The following COLGALT2 variants were observed in gnomAD, a reference collection of about 807,000 sequenced individuals.
COLGALT2 encodes the protein procollagen galactosyltransferase 2.
COLGALT2 carries 49 observed loss-of-function variants against 73.4 expected under a neutral mutation model. The observed-to-expected ratio is 0.67, with a 90% CI of 0.53 to 0.85. The LOEUF is 0.85. Ranked by LOEUF, COLGALT2 falls within the 40% of genes least tolerant of loss-of-function variation. The pLI is 0.00. For synonymous variants in COLGALT2, 295 were observed against 307.6 expected (o/e 0.96, Z 0.43); for missense variants, 722 against 790.2 (o/e 0.91, Z 1.03).
At chr1:183,998,018 A>G (rs1181760362) in intron 1 of COLGALT2, among the ~76,000 whole-genome samples, 1 of 152,220 alleles carries the variant, frequency 6.6e-6, no homozygotes, top group African/African-American at 2.4e-5. Context: ...TAGTGCATTT[A>G]GGAGTGGCAT....
chr1:183,938,974 G>A lies in COLGALT2; in HGVS notation c.1668C>T (p.Leu556=), dbSNP rs1473495819. 7 of 1,614,122 alleles carry A rather than the reference G, an allele frequency of 4.3e-6. No individual in the cohort carries two copies. The highest frequency in any genetic ancestry group is 5.1e-6 in the Non-Finnish European group (6 of 1,180,042). The change falls in exon 12 of 12, where the codon CTC becomes CTT. Residue 556 remains leucine (L), a synonymous_variant. Coordinates refer to ENST00000361927, the MANE Select transcript of COLGALT2 (RefSeq NM_015101.4). The part of the protein sequence containing the change: ...DLKAFSAEPL[L]IYPTHYTGQP... The stretch of plus-strand genomic sequence containing the variant: ...GGCCTGTGTAGTGCGTAGGGTAGAT[G>A]AGCAAGGGTTCTGCAGAGAAGGCTT...
chr1:183,942,510 G>T (rs893401783), intron 10 of COLGALT2, among the ~76,000 whole-genome samples: 5 of 152,062 alleles, frequency 3.3e-5, no homozygotes, highest in African/African-American at 7.2e-5. Context: ...GACATATGTG[G>T]CTTGCATTAT....
intron 6 of COLGALT2, among the ~76,000 whole-genome samples, chr1:183,955,654 T>C (rs2102799820): frequency 6.6e-6 from 1 of 152,322 alleles, no homozygotes; most frequent in South Asian, 2.1e-4. Context: ...TGAAAAGGCC[T>C]TGAAGAATGT....
At position 184,017,947 on chromosome 1, in the gene COLGALT2, T is replaced by C. The variant is rs1364426380; in HGVS notation, c.263+19148A>G. Among the ~76,000 whole-genome samples the C allele has an allele frequency of 2.6e-5, 4 of 152,216 alleles. No homozygotes were observed. In the East Asian group the frequency reaches 7.7e-4, roughly 29 times the overall value. ...AGTTAATTCATGGGAACCATTATCATAATGCTTGGTAAACAGTAAATGTTT... is the reference window on the plus strand; with the variant it reads ...AGTTAATTCATGGGAACCATTATCACAATGCTTGGTAAACAGTAAATGTTT... On this transcript the variant is annotated intron_variant, in intron 1 of 11. Coordinates refer to ENST00000361927, the MANE Select transcript of COLGALT2 (RefSeq NM_015101.4).
At chr1:183,964,138 T>C (rs1670800398) in intron 5 of COLGALT2, 118 bp from the exon 6 acceptor site, 1 of 1,169,676 alleles carries the variant, frequency 8.5e-7, no homozygotes. Context: ...ATTAAATAAG[T>C]GGTTGTTTCA....
In COLGALT2 at chr1:184,037,112, C is replaced by T. The variant is rs749932519; in HGVS notation, c.246G>A (p.Lys82=). ...GCGCTCACCAGATGGCCATCCTGCT[C>T]TTGGGGTAGTCCAGCCGCTCCAGGC... ...LGCLERLDYP[K]SRMAIWAATD... The change falls in exon 1 of 12, where the codon AAG becomes AAA. Residue 82 remains lysine (K), a synonymous_variant. Coordinates refer to ENST00000361927, the MANE Select transcript of COLGALT2 (RefSeq NM_015101.4). The T allele has an allele frequency of 2.2e-5, 35 of 1,593,104 alleles. No homozygotes were observed. The South Asian group carries it at 3.6e-4, about 16-fold the overall frequency.
chr1:183,942,885 G>T (rs972057348), intron 10 of COLGALT2, among the ~76,000 whole-genome samples: 5 of 152,180 alleles, frequency 3.3e-5, no homozygotes, highest in African/African-American at 1.2e-4. Context: ...GAACGGGAAC[G>T]TATGCCAGCT....
At chr1:183,980,990 C>T (rs74130490) in intron 1 of COLGALT2, among the ~76,000 whole-genome samples, 3,317 of 152,158 alleles carry the variant, frequency 0.022, 109 homozygotes, top group African/African-American at 0.076. Flanking sequence ...CACACCTAAT[C>T]CTGGTTTTTA....
At chr1:183,958,409 C>A (rs919575697) in intron 6 of COLGALT2, among the ~76,000 whole-genome samples, 2 of 152,120 alleles carry the variant, frequency 1.3e-5, no homozygotes, top group African/African-American at 4.8e-5. Flanking sequence ...TGAGTCACTT[C>A]AAAGCTACAA....
chr1:183,988,608 G>T (rs1276843163), intron 1 of COLGALT2, among the ~76,000 whole-genome samples: 2 of 152,144 alleles, frequency 1.3e-5, no homozygotes, highest in African/African-American at 4.8e-5. Context: ...TTTTGTGTCT[G>T]CCTTCTTTCA....
intron 10 of COLGALT2, among the ~76,000 whole-genome samples, chr1:183,942,069 C>T (rs1670129482): frequency 6.6e-6 from 1 of 151,918 alleles, no homozygotes. Context: ...CTGCCTCAGC[C>T]TCCTGAGTAG....
At chr1:184,034,279 T>TC (rs1491161586) in intron 1 of COLGALT2, among the ~76,000 whole-genome samples, 7 of 22,036 alleles carry the variant, frequency 3.2e-4, no homozygotes, top group Middle Eastern at 0.015. Flanking sequence ...CCCTATTATC[T>TC]TTTTTTTTTT....
chr1:183,985,478 G>A lies in COLGALT2; in HGVS notation c.264-6958C>T, dbSNP rs189104115. 4.6e-5 allele frequency among the ~76,000 whole-genome samples: 7 copies of A among 152,214 alleles called. 1 individual carries two copies. In the East Asian group the frequency reaches 1.4e-3, roughly 29 times the overall value. On this transcript the variant is annotated intron_variant, in intron 1 of 11. Transcript: ENST00000361927. ...GTAGAGATGGGGTTTCACCATGTTT[G>A]TCAGGCTGGTTTCGAACTCCTGATC... is the stretch of plus-strand genomic sequence containing the variant.
chr1:184,014,310 T>C (rs1036575947), intron 1 of COLGALT2, among the ~76,000 whole-genome samples: 1 of 152,158 alleles, frequency 6.6e-6, no homozygotes, highest in Non-Finnish European at 1.5e-5. Flanking sequence ...GGTGGAACCA[T>C]GGATCTGAGC....
intron 1 of COLGALT2, among the ~76,000 whole-genome samples, chr1:184,030,502 G>A (rs1649479246): frequency 6.6e-6 from 1 of 152,102 alleles, no homozygotes; most frequent in Non-Finnish European, 1.5e-5. Flanking sequence ...GCCTTATAAT[G>A]GTCCTACTAT....
chr1:183,967,085 T>C lies in COLGALT2; in HGVS notation c.832+2184A>G, dbSNP rs1180346253. Among the ~76,000 whole-genome samples, 25 of 152,348 alleles carry C rather than the reference T, an allele frequency of 1.6e-4. 1 individual carries two copies. Among genetic ancestry groups the C allele is most frequent in the Admixed American group, 1.6e-3 (25 of 15,306 alleles). The stretch of plus-strand genomic sequence containing the variant: ...GAAGGAAGAGCCTGGAGACATGCCC[T>C]GGGCTGCACATGACTCCCAGGCTCA... On this transcript the variant is annotated intron_variant, in intron 5 of 11. Transcript: ENST00000361927.
At chr1:183,958,791 C>T (rs1198840104) in intron 6 of COLGALT2, among the ~76,000 whole-genome samples, 3 of 150,808 alleles carry the variant, frequency 2.0e-5, no homozygotes, top group Admixed American at 1.3e-4. Context: ...TTCTCTTTTA[C>T]ATCATCAAGA....
At chr1:184,015,509 T>C (rs1459833436) in intron 1 of COLGALT2, among the ~76,000 whole-genome samples, 1 of 152,198 alleles carries the variant, frequency 6.6e-6, no homozygotes, top group African/African-American at 2.4e-5. Flanking sequence ...ATTAGAGACA[T>C]TCTTGATATC....
chr1:183,983,440 A>C (rs1222891427), intron 1 of COLGALT2, among the ~76,000 whole-genome samples: 1 of 152,244 alleles, frequency 6.6e-6, no homozygotes, highest in Admixed American at 6.5e-5. Context: ...TGACAAAAGT[A>C]TATTTCCATT....
Sources: allele counts gnomAD v4.1 joint callset (sites outside exome capture counted in the v4.1 genomes callset), GRCh38; gene constraint gnomAD v4.1.1; transcripts MANE v1.5; gene names NCBI Gene and HGNC (gene_info 2026-07-23, HGNC 2026-07-21).